Variants in RANBP17 observed in about 807,000 individuals in gnomAD.
The protein encoded by RANBP17 is RAN binding protein 17.
In RANBP17, 158 loss-of-function variants were observed where a neutral mutation model predicts 141.2. The observed-to-expected ratio is 1.12, with a 90% CI of 0.98 to 1.28. The LOEUF is 1.28. Ranked by LOEUF, RANBP17 falls within the 50% of genes most tolerant of loss-of-function variation. The probability of loss-of-function intolerance (pLI) is 0.00; values close to 1 mark genes in which losing one functional copy is unlikely to be tolerated. For synonymous variants in RANBP17, 430 were observed against 450.0 expected (o/e 0.96, Z 0.56); for missense variants, 1,438 against 1,290.7 (o/e 1.11, Z -1.75).
intron 14 of RANBP17, among the ~76,000 whole-genome samples, chr5:171,163,118 C>A (rs1440079098): frequency 1.3e-5 from 2 of 152,202 alleles, no homozygotes; most frequent in African/African-American, 4.8e-5. Context: ...TCACCTTTTA[C>A]CACTTGATTT....
intron 14 of RANBP17, among the ~76,000 whole-genome samples, chr5:171,088,836 T>G (rs971489665): frequency 1.4e-4 from 21 of 152,272 alleles, no homozygotes; most frequent in African/African-American, 4.1e-4. Flanking sequence ...GTACTTCTCT[T>G]TATTGGTTAT....
At chr5:171,291,635 T>C (rs1050539497) in intron 25 of RANBP17, among the ~76,000 whole-genome samples, 1 of 152,200 alleles carries the variant, frequency 6.6e-6, no homozygotes, top group Non-Finnish European at 1.5e-5. Flanking sequence ...GATTCTGTGC[T>C]TAAGCATTTC....
chr5:171,242,726 T>C lies in RANBP17; in HGVS notation c.2682T>C (p.Cys894=). 6.2e-7 allele frequency: 1 copy of C among 1,613,716 alleles called. No individual in the cohort carries two copies. Among genetic ancestry groups the C allele is most frequent in the Admixed American group, 1.7e-5 (1 of 60,014 alleles). ...AGTCTTATTATCCACTCCTGGAATG[T>C]CTCACTCAGGACCATATGAGCTTCA... is the stretch of plus-strand genomic sequence containing the variant. ...LSQSYYPLLE[C]LTQDHMSFII... The change falls in exon 24 of 28, where the codon TGT becomes TGC. Residue 894 remains cysteine, a synonymous_variant. Coordinates refer to ENST00000523189, the MANE Select transcript of RANBP17 (RefSeq NM_022897.5).
intron 14 of RANBP17, among the ~76,000 whole-genome samples, chr5:170,986,107 A>T (rs893316712): frequency 1.3e-5 from 2 of 152,108 alleles, no homozygotes; most frequent in Non-Finnish European, 2.9e-5. Context: ...GCAGATTGTT[A>T]GTTAATAGCT....
At chr5:171,085,304 T>C (rs1193543123) in intron 14 of RANBP17, among the ~76,000 whole-genome samples, 1 of 138,564 alleles carries the variant, frequency 7.2e-6, no homozygotes, top group East Asian at 2.3e-4. Context: ...AGGGCTCTGT[T>C]CTGTTCCATT....
chr5:170,867,733 C>G (rs1224266846), intron 1 of RANBP17, among the ~76,000 whole-genome samples: 1 of 152,088 alleles, frequency 6.6e-6, no homozygotes, highest in Admixed American at 6.5e-5. Context: ...AACATTTATT[C>G]TCTTTTTTCA....
intron 19 of RANBP17, among the ~76,000 whole-genome samples, chr5:171,201,924 G>A (rs893570523): frequency 6.6e-6 from 1 of 152,144 alleles, no homozygotes; most frequent in African/African-American, 2.4e-5. Flanking sequence ...CTTCAATAAA[G>A]TATTTAGTAT....
At chr5:171,260,300 C>CA (rs35656692) in intron 24 of RANBP17, among the ~76,000 whole-genome samples, 69,981 of 108,478 alleles carry the variant, frequency 0.65, 22,653 homozygotes, top group South Asian at 0.82. Flanking sequence ...GACTCCATCT[C>CA]AAAAAAAAAA....
chr5:170,955,568 TG>T (rs1775577858), intron 13 of RANBP17, among the ~76,000 whole-genome samples: 2 of 63,924 alleles, frequency 3.1e-5, no homozygotes, highest in Non-Finnish European at 6.2e-5. Flanking sequence ...TATATATATA[TG>T]CTCAGTCTGT....
intron 16 of RANBP17, among the ~76,000 whole-genome samples, chr5:171,182,562 A>G (rs188535748): frequency 2.3e-4 from 35 of 152,352 alleles, no homozygotes; most frequent in African/African-American, 7.9e-4. Context: ...AAAATAATAA[A>G]TAATACTTAA....
At chr5:171,228,104 A>G (rs923521502) in intron 22 of RANBP17, among the ~76,000 whole-genome samples, 3 of 152,254 alleles carry the variant, frequency 2.0e-5, no homozygotes, top group Non-Finnish European at 4.4e-5. Flanking sequence ...AAGTCGTATT[A>G]TATCAGAAAT....
intron 12 of RANBP17, among the ~76,000 whole-genome samples, chr5:170,938,606 G>A (rs2127470892): frequency 6.6e-6 from 1 of 152,286 alleles, no homozygotes; most frequent in East Asian, 1.9e-4. Flanking sequence ...TAACAGGAGT[G>A]TGAAAAACAA....
intron 25 of RANBP17, among the ~76,000 whole-genome samples, chr5:171,287,522 G>T (rs1174418163): frequency 6.7e-6 from 1 of 149,486 alleles, no homozygotes; most frequent in Non-Finnish European, 1.5e-5. Context: ...AACAGATTAA[G>T]TTATCCTATT....
intron 18 of RANBP17, among the ~76,000 whole-genome samples, chr5:171,198,522 CA>C (rs1163228678): frequency 6.6e-6 from 1 of 152,190 alleles, no homozygotes; most frequent in East Asian, 1.9e-4. Context: ...CTATAGATGC[CA>C]GTGTTTTTCG....
chr5:171,179,457 T>A (rs962962316), intron 16 of RANBP17, among the ~76,000 whole-genome samples: 1 of 152,276 alleles, frequency 6.6e-6, no homozygotes, highest in Non-Finnish European at 1.5e-5. Context: ...TACTCTACTT[T>A]GTGCATATAA....
intron 24 of RANBP17, among the ~76,000 whole-genome samples, chr5:171,256,911 A>AT (rs2128009882): frequency 6.6e-6 from 1 of 152,194 alleles, no homozygotes; most frequent in South Asian, 2.1e-4. Context: ...CAAATCAGTA[A>AT]TTTAAAAAAA....
In RANBP17 at chr5:170,881,024, A is replaced by ATG. The variant is rs559872922; in HGVS notation, c.166-781_166-780dup. Among the ~76,000 whole-genome samples, 63 of 152,348 alleles carry ATG rather than the reference A, an allele frequency of 4.1e-4. 1 individual carries two copies. In the South Asian group the frequency reaches 0.013, roughly 31 times the overall value. ...GCAGCCATAGGCAGTGTGTAAATGAATGAGCATGGCTGTGTTTTAATAAAC... is the reference window on the plus strand; with the variant it reads ...GCAGCCATAGGCAGTGTGTAAATGAATGTGAGCATGGCTGTGTTTTAATAAAC... On this transcript the variant is annotated intron_variant, in intron 2 of 27. Transcript: ENST00000523189.
At chr5:171,062,323 C>T (rs1783940528) in intron 14 of RANBP17, among the ~76,000 whole-genome samples, 1 of 152,114 alleles carries the variant, frequency 6.6e-6, no homozygotes, top group South Asian at 2.1e-4. Context: ...ATGTTTAGTG[C>T]TTCCTTCAGG....
At chr5:170,936,180 A>T (rs943541875) in intron 12 of RANBP17, among the ~76,000 whole-genome samples, 2 of 152,146 alleles carry the variant, frequency 1.3e-5, no homozygotes, top group Non-Finnish European at 2.9e-5. Flanking sequence ...CCGATTTTCC[A>T]GGTGCCGTCT....
Sources: gnomAD v4.1 joint callset for allele counts (sites outside exome capture counted in the v4.1 genomes callset) on GRCh38, gnomAD v4.1.1 for gene constraint, MANE v1.5 for transcripts, NCBI Gene and HGNC (gene_info 2026-07-23, HGNC 2026-07-21) for gene names.